The following ZNF701 variants were observed in gnomAD, a reference collection of about 807,000 sequenced individuals.
ZNF701 encodes the protein zinc finger protein 701.
Under a neutral mutation model 7.1 loss-of-function variants are expected in ZNF701, and 6 were observed. The ratio of observed to expected loss-of-function variants is 0.84; its 90% CI spans 0.46 to 1.66. ZNF701 has a LOEUF of 1.66. Among genes scored for constraint, ZNF701 ranks in the 40% most tolerant of loss-of-function variants. ZNF701 has a pLI of 0.01. For missense variants in ZNF701, 541 were observed against 559.2 expected (o/e 0.97, Z 0.33); for synonymous variants, 166 against 188.2 (o/e 0.88, Z 0.97).
rs1375730479 is a variant in ZNF701 at position 52,580,305 on chromosome 19, T to A, written c.143-1897T>A. Among the ~76,000 whole-genome samples, 53 of 152,134 alleles carry A rather than the reference T, an allele frequency of 3.5e-4. 2 individuals carry two copies. The highest frequency in any genetic ancestry group is 3.4e-3 in the Admixed American group (52 of 15,264). ...TGTATGTTGCATTTCTGCTAACGTA[T>A]ATATACAGTGTTTTTTCATGCCTTT... On this transcript the variant is annotated intron_variant, in intron 3 of 3. Coordinates refer to ENST00000391785, the MANE Select transcript of ZNF701 (RefSeq NM_018260.3).
In ZNF701 at chr19:52,582,918, G is replaced by C. The variant is rs1452122212; in HGVS notation, c.859G>C (p.Val287Leu). ...KTFSHNSALLVHKAIHTGEKP... is the reference protein window; with the variant it reads ...KTFSHNSALLLHKAIHTGEKP... The stretch of plus-strand genomic sequence containing the variant: ...ATTCAGTCACAATTCAGCCCTGTTA[G>C]TTCACAAGGCAATTCATACTGGAGA... Residue 287 changes from valine (V) to leucine (L), a missense_variant, in exon 4 of 4, where the codon GTT (valine) becomes CTT (leucine). By Grantham distance (32) the Val-to-Leu change is conservative. Coordinates refer to ENST00000391785, the MANE Select transcript of ZNF701 (RefSeq NM_018260.3). 1 of 1,613,994 alleles carries C rather than the reference G, an allele frequency of 6.2e-7. No individual in the cohort carries two copies. The highest frequency in any genetic ancestry group is 2.2e-5 in the East Asian group (1 of 44,852).
the ZNF701 span, among the ~76,000 whole-genome samples, chr19:52,592,551 A>C: frequency 6.6e-6 from 1 of 152,200 alleles, no homozygotes; most frequent in Non-Finnish European, 1.5e-5. Flanking sequence ...AAAGCATCAC[A>C]CTGACTGACA....
downstream of ZNF701, among the ~76,000 whole-genome samples, chr19:52,587,554 T>A (rs1469165127): frequency 6.6e-6 from 1 of 152,176 alleles, no homozygotes; most frequent in Non-Finnish European, 1.5e-5. Context: ...AGCCCCCCAC[T>A]TGACATTGCA....
At chr19:52,594,686 T>A in the ZNF701 span, among the ~76,000 whole-genome samples, 1 of 152,128 alleles carries the variant, frequency 6.6e-6, no homozygotes, top group East Asian at 1.9e-4. Flanking sequence ...GCTATTTCTG[T>A]ATTTTTAATA....
rs139290405 is a variant in ZNF701, at chr19:52,576,776, C to G, written c.142+755C>G. Among the ~76,000 whole-genome samples the G allele has an allele frequency of 6.1e-3, 922 of 152,236 alleles. 6 individuals carry two copies. Among genetic ancestry groups the G allele is most frequent in the Middle Eastern group, 0.017 (5 of 294 alleles). ...ACAGAAATATAGGGCTGGGACTCTA[C>G]AAAAGCTCCAGCACGTCTTAGTACT... On this transcript the variant is annotated intron_variant, in intron 3 of 3. Transcript: ENST00000391785.
rs2060007522 is a variant in ZNF701, at chr19:52,585,801, T to G, written c.*2344T>G. The G allele has an allele frequency of 1.3e-5, 2 of 152,264 alleles. No homozygotes were observed. The highest frequency in any genetic ancestry group is 4.8e-5 in the African/African-American group (2 of 41,466). 9.4% of individuals were successfully genotyped at this position (152,264 alleles called of 1,614,324 possible). A position where few individuals can be genotyped will look rare whatever the true frequency, so the allele number is the denominator to read the frequency against. ...TTGGCCTGAGGCCAGAGCAGATGGG[T>G]GCCCTATGCAGATGAAGGGGTGGCC... is the stretch of plus-strand genomic sequence containing the variant. On this transcript the variant is annotated 3_prime_UTR_variant, in exon 4 of 4. Coordinates refer to ENST00000391785, the MANE Select transcript of ZNF701 (RefSeq NM_018260.3).
intron 3 of ZNF701, among the ~76,000 whole-genome samples, chr19:52,576,973 C>T (rs1253750660): frequency 2.0e-5 from 3 of 151,460 alleles, no homozygotes. Context: ...GTGGAAGCTC[C>T]ACCTTCAAAT....
intron 3 of ZNF701, among the ~76,000 whole-genome samples, chr19:52,578,623 G>T (rs576060635): frequency 6.6e-6 from 1 of 152,352 alleles, no homozygotes; most frequent in East Asian, 1.9e-4. Flanking sequence ...ACACCAAAGC[G>T]CTGCGATTAC....
intron 3 of ZNF701, among the ~76,000 whole-genome samples, chr19:52,578,598 G>A (rs1473530573): frequency 3.3e-5 from 5 of 152,200 alleles, no homozygotes; most frequent in African/African-American, 7.2e-5. Flanking sequence ...CGCTAAGCCC[G>A]CAGGGCTGGA....
downstream of ZNF701, among the ~76,000 whole-genome samples, chr19:52,587,715 G>A (rs748775820): frequency 2.6e-5 from 4 of 152,214 alleles, no homozygotes; most frequent in Non-Finnish European, 5.9e-5. Flanking sequence ...CGCCATCTGA[G>A]TGGAGCTCAA....
intron 3 of ZNF701, 57 bp downstream of exon 3, chr19:52,576,078 C>T (rs2059932448): frequency 1.2e-6 from 2 of 1,607,094 alleles, no homozygotes; most frequent in Non-Finnish European, 1.7e-6. Flanking sequence ...TTTGTATTTT[C>T]TCTTGTTGCC....
Position 52,584,185 on chromosome 19 carries a change from G to A in ZNF701, c.*728G>A, listed in dbSNP as rs1183147597. On this transcript the variant is annotated 3_prime_UTR_variant, in exon 4 of 4. Coordinates refer to ENST00000391785, the MANE Select transcript of ZNF701 (RefSeq NM_018260.3). ...GTTACTCCTTGCAGAATATCATAAC[G>A]TTCATTTTTGAGGTAATAGTTACAA... The A allele has an allele frequency of 2.3e-5, 6 of 262,096 alleles. No individual in the cohort carries two copies. Among genetic ancestry groups the A allele is most frequent in the Non-Finnish European group, 4.6e-5 (6 of 129,214 alleles). The allele number at this position is 262,096 out of a possible 1,614,324, so 16.2% of individuals were successfully genotyped here.
intron 3 of ZNF701, among the ~76,000 whole-genome samples, chr19:52,579,616 A>G (rs1250502061): frequency 2.8e-5 from 4 of 141,280 alleles, no homozygotes; most frequent in East Asian, 3.9e-4. Flanking sequence ...GCTCATGCCT[A>G]TAATCCCAGT....
intron 3 of ZNF701, among the ~76,000 whole-genome samples, chr19:52,581,256 GC>G (rs1264848839): frequency 6.6e-6 from 1 of 152,186 alleles, no homozygotes; most frequent in African/African-American, 2.4e-5. Flanking sequence ...GTCTCACTCT[GC>G]CACTCAGGGT....
downstream of ZNF701, among the ~76,000 whole-genome samples, chr19:52,590,790 G>C (rs971504375): frequency 7.9e-5 from 12 of 152,136 alleles, no homozygotes; most frequent in African/African-American, 2.9e-4. Flanking sequence ...AAGTGTGTGT[G>C]GGTGTGATTT....
intron 1 of ZNF701, 140 bp from the exon 2 acceptor site, chr19:52,573,937 G>A (rs941654969): frequency 2.2e-6 from 2 of 920,808 alleles, no homozygotes; most frequent in African/African-American, 3.3e-5. Context: ...TTTTCTTATA[G>A]AAATTTATTA....
chr19:52,572,989 C>G lies in ZNF701; in HGVS notation c.-71-1088C>G, dbSNP rs1035830560. ...AAATGTCTCCCATGCCCTCCCACCCCCAACTGAATTTCCCTCTGCCCATCA... is the reference window on the plus strand; with the variant it reads ...AAATGTCTCCCATGCCCTCCCACCCGCAACTGAATTTCCCTCTGCCCATCA... On this transcript the variant is annotated intron_variant, in intron 1 of 3. Transcript: ENST00000391785. 10 of 278,298 alleles carry G rather than the reference C, an allele frequency of 3.6e-5. No homozygotes were observed. In the Admixed American group the frequency reaches 3.9e-4, roughly 11 times the overall value. The allele number at this position is 278,298 out of a possible 1,614,324, so 17.2% of individuals were successfully genotyped here. A position where few individuals can be genotyped will look rare whatever the true frequency, so the allele number is the denominator to read the frequency against.
Position 52,582,357 on chromosome 19 carries a change from C to A in ZNF701, c.298C>A (p.Gln100Lys). Residue 100 changes from glutamine (Q) to lysine (K), a missense_variant, in exon 4 of 4, where the codon CAG becomes AAG. Physicochemically the swap from Gln to Lys is moderately conservative, Grantham distance 53 (BLOSUM62 1). Coordinates refer to ENST00000391785, the MANE Select transcript of ZNF701 (RefSeq NM_018260.3). ...GAAAGATATTCATGACTTTGTGTTT[C>A]AGTGGCAAGAAAATGAAACAAATGG... The part of the protein sequence containing the change: ...IEKDIHDFVF[Q>K]WQENETNGHE... The A allele has an allele frequency of 6.2e-7, 1 of 1,613,782 alleles. No individual in the cohort carries two copies. The highest frequency in any genetic ancestry group is 8.5e-7 in the Non-Finnish European group (1 of 1,179,926).
chr19:52,585,917 C>G lies in ZNF701; in HGVS notation c.*2460C>G, dbSNP rs2060008458. ...GGTGTTAGGGAGAGTAGCCTTTGAT[C>G]CTTTGTTACTTTGGGTGGGAAGATG... is the stretch of plus-strand genomic sequence containing the variant. On this transcript the variant is annotated 3_prime_UTR_variant, in exon 4 of 4. Coordinates refer to ENST00000391785, the MANE Select transcript of ZNF701 (RefSeq NM_018260.3). The G allele has an allele frequency of 6.6e-6, 1 of 152,230 alleles. No individual in the cohort carries two copies. Among genetic ancestry groups the G allele is most frequent in the Non-Finnish European group, 1.5e-5 (1 of 68,076 alleles). 9.4% of individuals were successfully genotyped at this position (152,230 alleles called of 1,614,324 possible). A position where few individuals can be genotyped will look rare whatever the true frequency, so the allele number is the denominator to read the frequency against.
Sources: allele counts gnomAD v4.1 joint callset (sites outside exome capture counted in the v4.1 genomes callset), GRCh38; gene constraint gnomAD v4.1.1; transcripts MANE v1.5; gene names NCBI Gene and HGNC (gene_info 2026-07-23, HGNC 2026-07-21).